KAZN: variants seen among roughly 807,000 people sequenced by gnomAD.
The protein encoded by KAZN is kazrin, periplakin interacting protein.
KAZN carries 40 observed loss-of-function variants against 87.4 expected under a neutral mutation model. The observed-to-expected ratio is 0.46, with a 90% CI of 0.36 to 0.60. The LOEUF (loss-of-function observed/expected upper bound fraction) is 0.60, where lower values mean the gene tolerates loss of function less well. KAZN is among the 20% of genes least tolerant of loss of function. KAZN has a pLI of 0.00. For missense variants in KAZN, 898 were observed against 1,073.9 expected (o/e 0.84, Z 2.29); for synonymous variants, 466 against 458.3 (o/e 1.02, Z -0.22).
intron 1 of KAZN, among the ~76,000 whole-genome samples, chr1:14,006,764 C>G (rs1640054604): frequency 6.6e-6 from 1 of 152,040 alleles, no homozygotes; most frequent in Admixed American, 6.5e-5. Flanking sequence ...AAGTGTGATG[C>G]CTCTAACTTT....
chr1:14,287,374 C>T (rs891085905), intron 2 of KAZN, among the ~76,000 whole-genome samples: 1 of 152,166 alleles, frequency 6.6e-6, no homozygotes, highest in Admixed American at 6.5e-5. Context: ...GGGCATAATG[C>T]ACCTAGGAAT....
intron 2 of KAZN, among the ~76,000 whole-genome samples, chr1:14,436,717 C>CAAA (rs1197002414): frequency 3.9e-4 from 20 of 51,146 alleles, no homozygotes; most frequent in Non-Finnish European, 5.1e-4. Context: ...GACTCTGTCT[C>CAAA]AAAAAAAAAA....
At chr1:14,699,932 C>G (rs1641830000) in intron 1 of KAZN, among the ~76,000 whole-genome samples, 1 of 152,070 alleles carries the variant, frequency 6.6e-6, no homozygotes, top group Non-Finnish European at 1.5e-5. Flanking sequence ...TAGAGTGGGC[C>G]AGACAAAGCT....
intron 2 of KAZN, among the ~76,000 whole-genome samples, chr1:15,029,850 G>A (rs1178021703): frequency 6.6e-6 from 1 of 152,186 alleles, no homozygotes; most frequent in Non-Finnish European, 1.5e-5. Flanking sequence ...GAGCCCATGC[G>A]ACCTGCTGAG....
intron 1 of KAZN, among the ~76,000 whole-genome samples, chr1:14,088,044 T>C (rs1414949267): frequency 6.6e-6 from 1 of 151,140 alleles, no homozygotes; most frequent in East Asian, 1.9e-4. Flanking sequence ...TCTTTAAATG[T>C]TGGGTAAAAT....
chr1:15,013,382 GA>G (rs538157920), intron 2 of KAZN, among the ~76,000 whole-genome samples: 36 of 152,058 alleles, frequency 2.4e-4, no homozygotes, highest in Non-Finnish European at 3.2e-4. Context: ...GATGTCAGAT[GA>G]AAAAAGAGCA....
At chr1:14,691,836 C>T (rs755530315) in intron 1 of KAZN, among the ~76,000 whole-genome samples, 1 of 152,016 alleles carries the variant, frequency 6.6e-6, no homozygotes, top group Non-Finnish European at 1.5e-5. Flanking sequence ...TTAGGGAGAG[C>T]TCACCTGCTC....
chr1:14,328,015 T>A lies in KAZN; in HGVS notation c.249+147423T>A, dbSNP rs570741670. On this transcript the variant is annotated intron_variant, in intron 2 of 16. Coordinates refer to the KAZN transcript ENST00000636203. Reference sequence around the variant, plus strand: ...TTGTTTTTTTCTTATGAATATTGTATGTTTAATGAACAAAAATGTCTGTGG... The same window carrying A: ...TTGTTTTTTTCTTATGAATATTGTAAGTTTAATGAACAAAAATGTCTGTGG... Among the ~76,000 whole-genome samples the A allele has an allele frequency of 2.0e-4, 31 of 152,344 alleles. 1 individual carries two copies. The highest frequency in any genetic ancestry group is 7.2e-4 in the African/African-American group (30 of 41,574).
chr1:14,295,895 C>T (rs1348381735), intron 2 of KAZN, among the ~76,000 whole-genome samples: 1 of 152,160 alleles, frequency 6.6e-6, no homozygotes, highest in African/African-American at 2.4e-5. Flanking sequence ...TGGAGTTCAA[C>T]AGATACTCCA....
intron 1 of KAZN, among the ~76,000 whole-genome samples, chr1:14,695,630 C>T (rs914994295): frequency 1.3e-5 from 2 of 151,274 alleles, no homozygotes; most frequent in South Asian, 2.1e-4. Context: ...CTCAGCCTCT[C>T]GAGTAGCTGG....
chr1:13,974,887 A>C (rs1638253507), intron 1 of KAZN, among the ~76,000 whole-genome samples: 1 of 152,260 alleles, frequency 6.6e-6, no homozygotes, highest in South Asian at 2.1e-4. Context: ...GGTCTCACAC[A>C]GACCTTCAAG....
At chr1:14,765,625 C>G (rs548768352) in intron 1 of KAZN, among the ~76,000 whole-genome samples, 2 of 152,246 alleles carry the variant, frequency 1.3e-5, no homozygotes, top group African/African-American at 2.4e-5. Flanking sequence ...GGGGCTGGTG[C>G]CTGCGAATGG....
Position 15,117,436 on chromosome 1 carries a change from C to T in KAZN, c.*2801C>T, listed in dbSNP as rs950295387. The T allele has an allele frequency of 6.6e-6, 1 of 152,090 alleles. No individual in the cohort carries two copies. The highest frequency in any genetic ancestry group is 1.9e-4 in the East Asian group (1 of 5,200). 9.4% of individuals were successfully genotyped at this position (152,090 alleles called of 1,614,324 possible). A position where few individuals can be genotyped will look rare whatever the true frequency, so the allele number is the denominator to read the frequency against. ...TTGTCCTTGGCTGAGCCGGACCTTTCTTTTGGAAATCTGTCTGTCTGTTGG... is the reference window on the plus strand; with the variant it reads ...TTGTCCTTGGCTGAGCCGGACCTTTTTTTTGGAAATCTGTCTGTCTGTTGG... On this transcript the variant is annotated 3_prime_UTR_variant, in exon 15 of 15. Transcript: ENST00000376030.
intron 1 of KAZN, among the ~76,000 whole-genome samples, chr1:14,066,455 A>C (rs143528054): frequency 8.4e-4 from 128 of 152,284 alleles, no homozygotes; most frequent in Middle Eastern, 3.4e-3. Context: ...TCTCGTTCTC[A>C]CTTCTTGGGG....
intron 8 of KAZN, among the ~76,000 whole-genome samples, chr1:15,078,461 T>C (rs1396196044): frequency 6.6e-6 from 1 of 152,116 alleles, no homozygotes; most frequent in African/African-American, 2.4e-5. Flanking sequence ...TCCAACAGAC[T>C]GCACGACACT....
intron 2 of KAZN, among the ~76,000 whole-genome samples, chr1:14,292,612 C>T (rs756044211): frequency 2.6e-5 from 4 of 152,202 alleles, no homozygotes; most frequent in Admixed American, 6.5e-5. Context: ...CCCCCATGGC[C>T]GGCTCTACCT....
intron 6 of KAZN, chr1:15,060,595 G>C (rs921623471): frequency 1.7e-5 from 7 of 411,028 alleles, no homozygotes; most frequent in African/African-American, 6.0e-5. Context: ...GGCCCTGTCT[G>C]GGACCGTGGG....
At chr1:14,542,685 T>A (rs1672886449) in intron 2 of KAZN, among the ~76,000 whole-genome samples, 1 of 152,130 alleles carries the variant, frequency 6.6e-6, no homozygotes, top group Non-Finnish European at 1.5e-5. Context: ...GATAGGTAGC[T>A]TTCACCCTCC....
rs1054430913 is a variant in KAZN at position 14,888,451 on chromosome 1, A to T, written c.227-72233A>T. Among the ~76,000 whole-genome samples, 118 of 152,294 alleles carry T rather than the reference A, an allele frequency of 7.7e-4. 1 individual carries two copies. The highest frequency in any genetic ancestry group is 1.2e-3 in the Non-Finnish European group (84 of 68,028). On this transcript the variant is annotated intron_variant, in intron 1 of 14. Transcript: ENST00000376030. ...TCCAATCAGCCCTCTACGTGCATTT[A>T]TCTTCAAAGCTCTTTCCAGCTGCTA... is the stretch of plus-strand genomic sequence containing the variant.
Sources: allele counts gnomAD v4.1 joint callset (sites outside exome capture counted in the v4.1 genomes callset), GRCh38; gene constraint gnomAD v4.1.1; transcripts MANE v1.5; gene names NCBI Gene and HGNC (gene_info 2026-07-23, HGNC 2026-07-21).